Variants in SNED1 observed in about 807,000 individuals in gnomAD.
SNED1 encodes sushi, nidogen and EGF-like domain-containing protein 1.
A neutral mutation model predicts 166.7 loss-of-function variants in SNED1; 81 were observed. The ratio of observed to expected loss-of-function variants is 0.49; its 90% CI spans 0.41 to 0.58. The LOEUF (loss-of-function observed/expected upper bound fraction) is 0.58. SNED1 is among the 20% of genes least tolerant of loss of function. The pLI is 0.00. For synonymous variants in SNED1, 762 were observed against 822.0 expected (o/e 0.93, Z 1.25); for missense variants, 1,604 against 2,000.2 (o/e 0.80, Z 3.78).
rs149203055 is a variant in SNED1 at position 241,090,453 on chromosome 2, AAAT to A, written c.*2-1181_*2-1179del. On this transcript the variant is annotated intron_variant, in intron 31 of 31. Transcript: ENST00000310397. ...TCATAAGTAGAAGGAGTACACTCTAAAATAATGATGAAGAGTATAGTAAATACG... is the reference window on the plus strand; with the variant it reads ...TCATAAGTAGAAGGAGTACACTCTAAAATGATGAAGAGTATAGTAAATACG... 1.6e-3 allele frequency: 2,476 copies of A among 1,536,240 alleles called. 37 individuals are homozygous for A. The African/African-American group carries it at 0.031, about 19-fold the overall frequency.
rs201177822 is a variant in SNED1 at position 241,033,832 on chromosome 2, G to C, written c.599G>C (p.Ser200Thr). The C allele has an allele frequency of 1.2e-6, 2 of 1,608,938 alleles. No homozygotes were observed. The highest frequency in any genetic ancestry group is 1.3e-5 in the African/African-American group (1 of 74,988). Residue 200 changes from serine to threonine, a missense_variant, in exon 3 of 32, where the codon AGC becomes ACC. Physicochemically the swap from Ser to Thr is moderately conservative, Grantham distance 58 (BLOSUM62 1). This residue lies in a region of SNED1 where 1,237 missense variants were observed against 1,620.8 expected (regional missense o/e 0.76). Coordinates refer to ENST00000310397, the MANE Select transcript of SNED1 (RefSeq NM_001080437.3). The part of the protein sequence containing the change: ...SIVWTTGTHA[S>T]SGGNATGLGG... ...GTGTGGACCACAGGCACACACGCCA[G>C]CAGCGGGGGCAACGCCACTGGCCTC... is the stretch of plus-strand genomic sequence containing the variant.
At chr2:241,089,886 C>T (rs1019506516) in intron 31 of SNED1, 47 of 1,501,368 alleles carry the variant, frequency 3.1e-5, no homozygotes, top group Non-Finnish European at 2.7e-6. Context: ...TTACTGAATA[C>T]TGTAGGCGGT....
At chr2:241,008,991 G>A (rs1177614304) in intron 1 of SNED1, among the ~76,000 whole-genome samples, 2 of 152,240 alleles carry the variant, frequency 1.3e-5, no homozygotes, top group East Asian at 1.9e-4. Context: ...GGTTGGAGGC[G>A]GCAAAGTGGA....
chr2:241,091,144 T>C lies in SNED1; in HGVS notation c.*2-494T>C, dbSNP rs2063949047. On this transcript the variant is annotated intron_variant, in intron 31 of 31. Coordinates refer to ENST00000310397, the MANE Select transcript of SNED1 (RefSeq NM_001080437.3). This position sits in a 1 kb window ranked among gnomAD's most constrained non-coding sequence, Gnocchi z 4.1. ...CAACTAATTATCAAATACTGACTTATAGAATACCTATTCTTGAAATAATGG... is the reference window on the plus strand; with the variant it reads ...CAACTAATTATCAAATACTGACTTACAGAATACCTATTCTTGAAATAATGG... Among the ~76,000 whole-genome samples the C allele has an allele frequency of 6.6e-6, 1 of 152,092 alleles. No homozygotes were observed. The highest frequency in any genetic ancestry group is 6.6e-5 in the Admixed American group (1 of 15,260).
chr2:241,074,040 T>C (rs1435640200), intron 27 of SNED1: 1 of 152,558 alleles, frequency 6.6e-6, no homozygotes, highest in Admixed American at 6.5e-5. Flanking sequence ...GGCTGTGTCC[T>C]CTATGGACAG....
chr2:241,043,188 A>G (rs74000324), intron 8 of SNED1, among the ~76,000 whole-genome samples: 4,326 of 152,332 alleles, frequency 0.028, 218 homozygotes, highest in African/African-American at 0.099. Context: ...TTTCCAAGAA[A>G]AGCATGAAGA....
Position 241,068,093 on chromosome 2 carries a change from T to A in SNED1, c.3194+146T>A. ...CCTGAGCGGAGACAAAGGTCTCAGG[T>A]GAGCCAGCCTCAGACCCTGGAGGCT... On this transcript the variant is annotated intron_variant, in intron 22 of 31. Coordinates refer to ENST00000310397, the MANE Select transcript of SNED1 (RefSeq NM_001080437.3). This position sits in a 1 kb window ranked among gnomAD's most constrained non-coding sequence, Gnocchi z 5.3. The A allele has an allele frequency of 1.3e-6, 1 of 775,360 alleles. No homozygotes were observed. The highest frequency in any genetic ancestry group is 2.0e-6 in the Non-Finnish European group (1 of 492,912). The allele number at this position is 775,360 out of a possible 1,614,324, so 48.0% of individuals were successfully genotyped here.
intron 1 of SNED1, among the ~76,000 whole-genome samples, chr2:241,021,563 C>G (rs1201218762): frequency 6.6e-6 from 1 of 152,154 alleles, no homozygotes; most frequent in Non-Finnish European, 1.5e-5. Flanking sequence ...TGGCTTCTTT[C>G]ATTTAACATA....
chr2:241,028,132 A>G (rs2061040353), intron 1 of SNED1, among the ~76,000 whole-genome samples: 1 of 152,158 alleles, frequency 6.6e-6, no homozygotes, highest in Non-Finnish European at 1.5e-5. Flanking sequence ...TTTTTGAAAC[A>G]AGGGTTTTTT....
intron 1 of SNED1, among the ~76,000 whole-genome samples, chr2:241,026,553 C>T (rs1421084991): frequency 6.6e-6 from 1 of 152,124 alleles, no homozygotes; most frequent in Non-Finnish European, 1.5e-5. Context: ...CCTTTTAGTT[C>T]CAGTTCATAA....
intron 27 of SNED1, among the ~76,000 whole-genome samples, chr2:241,080,114 G>A (rs374225749): frequency 1.6e-4 from 25 of 152,072 alleles, no homozygotes; most frequent in African/African-American, 2.2e-4. Context: ...GTGAAACCCC[G>A]TCTCTACTAA....
intron 15 of SNED1, among the ~76,000 whole-genome samples, chr2:241,052,856 G>C (rs945914531): frequency 8.2e-6 from 1 of 121,868 alleles, no homozygotes; most frequent in South Asian, 2.6e-4. Flanking sequence ...AGATGGCCGG[G>C]GGGCCGAGCA....
chr2:241,089,646 A>G (rs1034565054), intron 31 of SNED1, among the ~76,000 whole-genome samples: 2 of 152,122 alleles, frequency 1.3e-5, no homozygotes, highest in African/African-American at 4.8e-5. Context: ...TCCCGCTCCC[A>G]CCTCACCCTC....
intron 2 of SNED1, among the ~76,000 whole-genome samples, chr2:241,031,877 C>G (rs1448775618): frequency 1.3e-5 from 2 of 152,212 alleles, no homozygotes; most frequent in Non-Finnish European, 2.9e-5. Flanking sequence ...TACAAACTAG[C>G]CCAGCACCAA....
In SNED1 at chr2:241,037,342, C is replaced by A. The variant is rs760294408; in HGVS notation, c.1034C>A (p.Thr345Asn). ...CQCPAGFGGP[T>N]CETAQSPCDT... ...TGCCCGGCTGGCTTTGGGGGACCCA[C>A]CTGTGAGACAGGTAAGAGGAACCCA... Residue 345 changes from threonine to asparagine, a missense_variant, in exon 6 of 32, where the codon ACC becomes AAC. This residue lies in a region of SNED1 where 1,237 missense variants were observed against 1,620.8 expected (regional missense o/e 0.76). Transcript: ENST00000310397. 1 of 1,607,108 alleles carries A rather than the reference C, an allele frequency of 6.2e-7. No homozygotes were observed. The highest frequency in any genetic ancestry group is 1.1e-5 in the South Asian group (1 of 89,630).
rs949728399 is a variant in SNED1 at position 241,090,730 on chromosome 2, G to T, written c.*2-908G>T. ...AAAAATACAAAAATTAGTCAGACAT[G>T]GTGGTGGGCACCTGTAATCTCAGCT... On this transcript the variant is annotated intron_variant, in intron 31 of 31. Transcript: ENST00000310397. Among the ~76,000 whole-genome samples, 5 of 152,238 alleles carry T rather than the reference G, an allele frequency of 3.3e-5. No individual in the cohort carries two copies. In the East Asian group the frequency reaches 9.7e-4, roughly 29 times the overall value.
chr2:241,015,350 G>C (rs1285896006), intron 1 of SNED1, among the ~76,000 whole-genome samples: 1 of 152,132 alleles, frequency 6.6e-6, no homozygotes, highest in African/African-American at 2.4e-5. Flanking sequence ...TTACTCTTAG[G>C]TACTTGGTTT....
intron 3 of SNED1, 35 bp downstream of exon 3, chr2:241,033,910 C>G: frequency 6.4e-7 from 1 of 1,557,896 alleles, no homozygotes; most frequent in Non-Finnish European, 8.7e-7. Context: ...GTGTTCAGAA[C>G]CCCTGCTCCC....
chr2:241,078,382 CAAA>C lies in SNED1; in HGVS notation c.3917-3281_3917-3279del, dbSNP rs60965517. On this transcript the variant is annotated intron_variant, in intron 27 of 31. Coordinates refer to ENST00000310397, the MANE Select transcript of SNED1 (RefSeq NM_001080437.3). ...TGGGAGACAGAACTAGACTCCGTCT[CAAA>C]AAAAAAAAAAAAAGAAAGAAAGAAA... Among the ~76,000 whole-genome samples, 92 of 116,158 alleles carry C rather than the reference CAAA, an allele frequency of 7.9e-4. 1 individual carries two copies. Among genetic ancestry groups the C allele is most frequent in the African/African-American group, 2.5e-3 (74 of 29,406 alleles). 76.2% of individuals were successfully genotyped at this position (116,158 alleles called of 152,430 possible).
Sources: gnomAD v4.1 joint callset for allele counts (sites outside exome capture counted in the v4.1 genomes callset) on GRCh38, gnomAD v4.1.1 for gene constraint, gnomAD v4.1.1 regional missense constraint, Gnocchi (gnomAD v3.1) non-coding constraint, MANE v1.5 for transcripts, NCBI Gene and HGNC (gene_info 2026-07-23, HGNC 2026-07-21) for gene names.